The following CDH13 variants were observed in gnomAD, a reference collection of about 807,000 sequenced individuals.
CDH13 encodes the protein cadherin 13.
A neutral mutation model predicts 63.8 loss-of-function variants in CDH13; 24 were observed. The observed-to-expected ratio is 0.38, with a 90% confidence interval of 0.27 to 0.53. CDH13 has a LOEUF of 0.53. Among genes scored for constraint, CDH13 ranks in the 20% least tolerant of loss-of-function variants. The pLI, the probability that CDH13 is intolerant of heterozygous loss-of-function variation, is 0.85. For missense variants in CDH13, 1,049 were observed against 903.1 expected (o/e 1.16, Z -2.07); for synonymous variants, 503 against 355.3 (o/e 1.42, Z -4.67).
chr16:83,561,120 AAT>A (rs2075698974), intron 7 of CDH13, among the ~76,000 whole-genome samples: 1 of 152,076 alleles, frequency 6.6e-6, no homozygotes, highest in South Asian at 2.1e-4. Flanking sequence ...TCCCTTGAAA[AAT>A]ACTCATTCAG....
At chr16:83,249,734 TG>T (rs1479229108) in intron 5 of CDH13, among the ~76,000 whole-genome samples, 1 of 152,236 alleles carries the variant, frequency 6.6e-6, no homozygotes, top group African/African-American at 2.4e-5. Context: ...TCTAAGACAA[TG>T]CTACTGGTAA....
At chr16:83,549,653 A>G (rs1567756207) in intron 7 of CDH13, among the ~76,000 whole-genome samples, 1 of 152,122 alleles carries the variant, frequency 6.6e-6, no homozygotes, top group Non-Finnish European at 1.5e-5. Context: ...AAAAAAAAAA[A>G]AAAGCAAAAA....
At chr16:82,656,918 CTTTTTTTTT>C (rs200722234) in intron 1 of CDH13, among the ~76,000 whole-genome samples, 1 of 131,058 alleles carries the variant, frequency 7.6e-6, no homozygotes, top group Non-Finnish European at 1.6e-5. Context: ...TTTGGTAGCT[CTTTTTTTTT>C]TTTTTTTTTA....
chr16:82,962,475 G>A (rs1441311994), intron 2 of CDH13, among the ~76,000 whole-genome samples: 4 of 152,170 alleles, frequency 2.6e-5, no homozygotes, highest in South Asian at 2.1e-4. Flanking sequence ...ATAGGAAACC[G>A]ATCAGATGCC....
intron 2 of CDH13, among the ~76,000 whole-genome samples, chr16:82,907,698 A>G (rs985893867): frequency 3.3e-5 from 5 of 152,300 alleles, no homozygotes; most frequent in East Asian, 1.9e-4. Context: ...GGTTCCCGGA[A>G]CAGCCACTTT....
At chr16:83,539,302 C>T (rs2075255999) in intron 7 of CDH13, among the ~76,000 whole-genome samples, 1 of 152,120 alleles carries the variant, frequency 6.6e-6, no homozygotes, top group South Asian at 2.1e-4. Flanking sequence ...CAGTAGGGTT[C>T]ACGCTTCTAT....
chr16:83,718,403 G>C lies in CDH13; in HGVS notation c.1539-29705G>C, dbSNP rs924387825. On this transcript the variant is annotated intron_variant, in intron 10 of 13. Coordinates refer to ENST00000567109, the MANE Select transcript of CDH13 (RefSeq NM_001257.5). ...AGTATGGTTTATTGCAAAGCAAAAA[G>C]TATACACTCAAGAAAGGTGAGTGTG... Among the ~76,000 whole-genome samples the C allele has an allele frequency of 4.6e-5, 7 of 152,218 alleles. No homozygotes were observed. The East Asian group carries it at 1.3e-3, about 29-fold the overall frequency.
chr16:83,419,947 A>G (rs1310565012), intron 6 of CDH13, among the ~76,000 whole-genome samples: 2 of 149,216 alleles, frequency 1.3e-5, no homozygotes, highest in Non-Finnish European at 3.0e-5. Flanking sequence ...TTTTGTATGT[A>G]TGTGTGTTCT....
chr16:83,566,507 C>CCTCCATTCTCCATTCTCCATT (rs57030116), intron 7 of CDH13, among the ~76,000 whole-genome samples: 1 of 151,342 alleles, frequency 6.6e-6, no homozygotes, highest in African/African-American at 2.4e-5. Context: ...CAGAGCCCCA[C>CCTCCATTCTCCATTCTCCATT]CTCCATTCTC....
chr16:82,687,333 A>G (rs1597324276), intron 1 of CDH13, among the ~76,000 whole-genome samples: 1 of 152,150 alleles, frequency 6.6e-6, no homozygotes, highest in Non-Finnish European at 1.5e-5. Context: ...GATGTAAGTG[A>G]TATCAGCTGG....
At chr16:82,887,065 G>GCCT (rs1567631280) in intron 2 of CDH13, among the ~76,000 whole-genome samples, 1 of 152,130 alleles carries the variant, frequency 6.6e-6, no homozygotes, top group Non-Finnish European at 1.5e-5. Context: ...CACCCTAGAA[G>GCCT]CCTCCTTTTA....
intron 4 of CDH13, among the ~76,000 whole-genome samples, chr16:83,132,996 C>T (rs2036125943): frequency 6.6e-6 from 1 of 152,204 alleles, no homozygotes; most frequent in African/African-American, 2.4e-5. Context: ...CCCACATTCA[C>T]ACTCTAAGGC....
chr16:83,277,808 G>C (rs1211732606), intron 5 of CDH13, among the ~76,000 whole-genome samples: 1 of 152,064 alleles, frequency 6.6e-6, no homozygotes, highest in African/African-American at 2.4e-5. Context: ...AAAGCTATGA[G>C]TTTATTTTTT....
intron 5 of CDH13, among the ~76,000 whole-genome samples, chr16:83,310,692 A>C (rs1369635946): frequency 6.6e-6 from 1 of 152,146 alleles, no homozygotes; most frequent in East Asian, 1.9e-4. Context: ...GTGCTTGTAC[A>C]ATGGGTTGGA....
chr16:83,595,417 T>G (rs115146981), intron 7 of CDH13, among the ~76,000 whole-genome samples: 1 of 152,218 alleles, frequency 6.6e-6, no homozygotes, highest in African/African-American at 2.4e-5. Flanking sequence ...TTGAAAACTT[T>G]GTCATCCACT....
intron 4 of CDH13, among the ~76,000 whole-genome samples, chr16:83,134,553 G>C (rs1336356248): frequency 1.0e-4 from 6 of 58,968 alleles, no homozygotes; most frequent in Non-Finnish European, 2.3e-4. Flanking sequence ...GGGAGAGAGA[G>C]AGAGAGAGAG....
intron 1 of CDH13, among the ~76,000 whole-genome samples, chr16:82,635,241 A>G (rs1254394445): frequency 6.6e-6 from 1 of 152,246 alleles, no homozygotes; most frequent in Non-Finnish European, 1.5e-5. Context: ...AAATGAATGA[A>G]TGAATATAAG....
intron 1 of CDH13, among the ~76,000 whole-genome samples, chr16:82,716,520 G>A (rs1279893368): frequency 6.6e-6 from 1 of 150,660 alleles, no homozygotes; most frequent in Admixed American, 6.6e-5. Context: ...TAAAAGTTGG[G>A]GATTATGAGT....
chr16:82,689,070 C>T (rs1915372516), intron 1 of CDH13: 1 of 152,110 alleles, frequency 6.6e-6, no homozygotes, highest in Admixed American at 6.5e-5. Flanking sequence ...GTTCTTCATG[C>T]TTAGGGCAAT....
Sources: allele counts gnomAD v4.1 joint callset (sites outside exome capture counted in the v4.1 genomes callset), GRCh38; gene constraint gnomAD v4.1.1; transcripts MANE v1.5; gene names NCBI Gene and HGNC (gene_info 2026-07-23, HGNC 2026-07-21).